HERC6: variants seen among roughly 807,000 people sequenced by gnomAD.
HERC6 encodes the protein HECT and RLD domain containing E3 ubiquitin protein ligase family member 6.
Under a neutral mutation model 114.5 loss-of-function variants are expected in HERC6, and 101 were observed. The ratio of observed to expected loss-of-function variants is 0.88; its 90% confidence interval spans 0.75 to 1.04. HERC6 has a LOEUF of 1.04. Among genes scored for constraint, HERC6 ranks in the 50% least tolerant of loss-of-function variants. The pLI is 0.00. For synonymous variants in HERC6, 408 were observed against 436.2 expected (o/e 0.94, Z 0.81); for missense variants, 1,133 against 1,230.9 (o/e 0.92, Z 1.19).
chr4:88,442,436 C>G lies in HERC6; in HGVS notation c.3045C>G (p.Val1015=). The G allele has an allele frequency of 6.8e-6, 11 of 1,613,688 alleles. No homozygotes were observed. The highest frequency in any genetic ancestry group is 9.3e-6 in the Non-Finnish European group (11 of 1,179,802). ...CCATCAACAACAACAGAGGATTTGT[C>G]TCACCCATGCTCACACAGTCATAAT... The part of the protein sequence containing the change: ...QVAINNNRGF[V]SPMLTQS The change falls in exon 23 of 23, where the codon GTC becomes GTG. Residue 1015 remains valine (V), a synonymous_variant. Transcript: ENST00000264346.
chr4:88,433,582 C>T (rs1738455859), intron 17 of HERC6, among the ~76,000 whole-genome samples: 1 of 152,114 alleles, frequency 6.6e-6, no homozygotes, highest in Non-Finnish European at 1.5e-5. Context: ...ACACTCAGCC[C>T]CCTCACCATG....
chr4:88,419,967 C>T (rs1560557257), intron 13 of HERC6, among the ~76,000 whole-genome samples: 1 of 151,860 alleles, frequency 6.6e-6, no homozygotes, highest in Non-Finnish European at 1.5e-5. Context: ...TCTCCCTCTC[C>T]CTCTCCCTCA....
chr4:88,441,244 A>G (rs1057369957), intron 22 of HERC6, among the ~76,000 whole-genome samples: 1 of 152,224 alleles, frequency 6.6e-6, no homozygotes, highest in Non-Finnish European at 1.5e-5. Context: ...AGAAATAATA[A>G]TGGCAACAAC....
chr4:88,402,726 A>G (rs1735609309), intron 8 of HERC6, among the ~76,000 whole-genome samples: 1 of 152,228 alleles, frequency 6.6e-6, no homozygotes, highest in Non-Finnish European at 1.5e-5. Context: ...GAAGATTACA[A>G]AACAAGAAGA....
chr4:88,383,448 G>A, intron 2 of HERC6, 68 bp downstream of exon 2: 1 of 1,249,798 alleles, frequency 8.0e-7, no homozygotes, highest in Non-Finnish European at 1.1e-6. Context: ...CACTGTGCAA[G>A]ATGCCAGGAT....
At chr4:88,424,021 G>C in intron 14 of HERC6, 48 bp downstream of exon 14, 1 of 905,096 alleles carries the variant, frequency 1.1e-6, no homozygotes, top group South Asian at 1.7e-5. Context: ...TTTAAAGGAA[G>C]ACACATTACT....
intron 8 of HERC6, chr4:88,399,409 C>T (rs2148885618): frequency 1.3e-5 from 2 of 152,194 alleles, no homozygotes; most frequent in Middle Eastern, 6.8e-3. Context: ...ACAAAGTTAC[C>T]CTCATTCATA....
At chr4:88,429,245 G>C (rs1737947503) in intron 16 of HERC6, among the ~76,000 whole-genome samples, 1 of 152,186 alleles carries the variant, frequency 6.6e-6, no homozygotes. Context: ...GTGCAAGATA[G>C]CAAGACCAAA....
At chr4:88,420,799 T>C (rs1436407953) in intron 13 of HERC6, among the ~76,000 whole-genome samples, 2 of 152,260 alleles carry the variant, frequency 1.3e-5, no homozygotes, top group South Asian at 2.1e-4. Context: ...ATAAATAAAA[T>C]GTGCAATGTA....
intron 1 of HERC6, among the ~76,000 whole-genome samples, chr4:88,381,188 T>A (rs1272419953): frequency 6.6e-6 from 1 of 152,134 alleles, no homozygotes; most frequent in Non-Finnish European, 1.5e-5. Context: ...TTTCAAAAGG[T>A]GTGTGGAGGA....
chr4:88,385,209 G>A (rs1734513717), intron 2 of HERC6, among the ~76,000 whole-genome samples: 1 of 152,004 alleles, frequency 6.6e-6, no homozygotes, highest in Admixed American at 6.6e-5. Flanking sequence ...TCTCTTTTAG[G>A]CTATTAAGTG....
At chr4:88,405,411 A>G (rs1735770791) in intron 9 of HERC6, 143 bp from the exon 10 acceptor site, 1 of 465,876 alleles carries the variant, frequency 2.1e-6, no homozygotes, top group Non-Finnish European at 3.8e-6. Flanking sequence ...AAGTATACCC[A>G]GGATTTGGGA....
rs371020554 is a variant in HERC6 at position 88,396,942 on chromosome 4, G to A, written c.979G>A (p.Ala327Thr). 6.2e-7 allele frequency: 1 copy of A among 1,612,290 alleles called. No individual in the cohort carries two copies. Among genetic ancestry groups the A allele is most frequent in the African/African-American group, 1.3e-5 (1 of 74,840 alleles). Residue 327 changes from alanine to threonine, a missense_variant, in exon 7 of 23, where the codon GCC becomes ACC. Coordinates refer to ENST00000264346, the MANE Select transcript of HERC6 (RefSeq NM_017912.4). ...CACAAGCAAGCCAACTCATCCGGAG[G>A]CCCTGACAGAGAACTTTGACATTAG... ...SDTSKPTHPE[A>T]LTENFDISCL...
chr4:88,380,656 G>T (rs994025502), intron 1 of HERC6, among the ~76,000 whole-genome samples: 66 of 149,514 alleles, frequency 4.4e-4, no homozygotes, highest in Admixed American at 3.3e-3. Context: ...GGCAGAGGTT[G>T]CAGTGAGCCG....
chr4:88,412,311 A>C (rs1005331864), intron 11 of HERC6, among the ~76,000 whole-genome samples: 3 of 152,210 alleles, frequency 2.0e-5, no homozygotes, highest in Non-Finnish European at 4.4e-5. Context: ...CCTATTTTAA[A>C]AGTTTACTTC....
chr4:88,402,140 G>C (rs1735577527), intron 8 of HERC6, among the ~76,000 whole-genome samples: 1 of 152,208 alleles, frequency 6.6e-6, no homozygotes, highest in Admixed American at 6.5e-5. Flanking sequence ...ATCTTGGACT[G>C]CAGGTTTTAC....
intron 8 of HERC6, among the ~76,000 whole-genome samples, chr4:88,403,225 C>A (rs1377435572): frequency 6.6e-6 from 1 of 152,134 alleles, no homozygotes; most frequent in Non-Finnish European, 1.5e-5. Context: ...TTTTTAGATG[C>A]AAATTCTCAC....
chr4:88,383,263 G>A lies in HERC6; in HGVS notation c.242G>A (p.Ser81Asn), dbSNP rs755825517. Residue 81 changes from serine to asparagine, a missense_variant, in exon 2 of 23, where the codon AGC (serine) becomes AAC (asparagine). Around this residue, in one of 3 missense-constraint regions of HERC6, gnomAD observed 735 missense variants for 754.0 expected, o/e 0.97. Transcript: ENST00000264346. ...ALETLIVDLV[S>N]CGKEHSLAVC... Reference sequence around the variant, plus strand: ...GAAACCCTAATTGTTGATCTCGTGAGCTGCGGGAAGGAGCACTCCCTGGCT... The same window carrying A: ...GAAACCCTAATTGTTGATCTCGTGAACTGCGGGAAGGAGCACTCCCTGGCT... The A allele has an allele frequency of 3.1e-6, 5 of 1,607,940 alleles. No individual in the cohort carries two copies. The highest frequency in any genetic ancestry group is 3.4e-5 in the Admixed American group (2 of 59,094).
At chr4:88,420,005 C>A (rs1258582888) in intron 13 of HERC6, among the ~76,000 whole-genome samples, 1 of 151,822 alleles carries the variant, frequency 6.6e-6, no homozygotes, top group Non-Finnish European at 1.5e-5. Context: ...TCTGTCTTCT[C>A]CTCTCCCTCT....
Sources: allele counts gnomAD v4.1 joint callset (sites outside exome capture counted in the v4.1 genomes callset), GRCh38; gene constraint gnomAD v4.1.1; regional missense constraint gnomAD v4.1.1; transcripts MANE v1.5; gene names NCBI Gene and HGNC (gene_info 2026-07-23, HGNC 2026-07-21).